The following ITFG1 variants were observed in gnomAD, a reference collection of about 807,000 sequenced individuals.
ITFG1 encodes integrin alpha FG-GAP repeat containing 1, also known as T-cell immunomodulatory protein.
In ITFG1, 34 loss-of-function variants were observed where a neutral mutation model predicts 81.8. The observed-to-expected ratio is 0.42, with a 90% CI of 0.32 to 0.55. The LOEUF is 0.55. Ranked by LOEUF, ITFG1 falls within the 20% of genes least tolerant of loss-of-function variation. The pLI, the probability that ITFG1 is intolerant of heterozygous loss-of-function variation, is 0.17. For synonymous variants in ITFG1, 285 were observed against 270.6 expected (o/e 1.05, Z -0.52); for missense variants, 672 against 755.4 (o/e 0.89, Z 1.29).
At chr16:47,232,720 C>A (rs768619175) in intron 13 of ITFG1, among the ~76,000 whole-genome samples, 8 of 151,508 alleles carry the variant, frequency 5.3e-5, no homozygotes, top group Non-Finnish European at 8.8e-5. Context: ...TGGCTCACTG[C>A]AGCCTCTACC....
chr16:47,396,524 T>TTGTGTG (rs59625674), intron 6 of ITFG1, among the ~76,000 whole-genome samples: 1 of 149,104 alleles, frequency 6.7e-6, no homozygotes, highest in Admixed American at 6.7e-5. Context: ...AATAATTATT[T>TTGTGTG]TGTGTGTGTG....
chr16:47,295,332 T>A (rs1158253684), intron 10 of ITFG1, among the ~76,000 whole-genome samples: 1 of 152,206 alleles, frequency 6.6e-6, no homozygotes, highest in Non-Finnish European at 1.5e-5. Context: ...TATAATGAGT[T>A]AGGGAAGATT....
Position 47,365,586 on chromosome 16 carries a change from C to T in ITFG1, c.802+202G>A, listed in dbSNP as rs904711491. 7 of 461,152 alleles carry T rather than the reference C, an allele frequency of 1.5e-5. No homozygotes were observed. In the South Asian group the frequency reaches 2.6e-4, roughly 17 times the overall value. 28.6% of individuals were successfully genotyped at this position (461,152 alleles called of 1,614,324 possible). ...ACAGTATCAAACTATTTTTTAAACA[C>T]ATCATAAATTTCTCCTTATTTCATT... On this transcript the variant is annotated intron_variant, in intron 8 of 17. Transcript: ENST00000320640.
intron 14 of ITFG1, among the ~76,000 whole-genome samples, chr16:47,205,862 ATC>A (rs1965491367): frequency 6.6e-6 from 1 of 150,730 alleles, no homozygotes; most frequent in Non-Finnish European, 1.5e-5. Context: ...CTATCTATCT[ATC>A]TATCTATCTA....
rs530506825 is a variant in ITFG1, at chr16:47,184,377, A to G, written c.1454-21713T>C. ...GAAAAAATGTTAAGGGCAGCCAGAG[A>G]GAAAGGTCGGGTTACCCACAAAGGG... On this transcript the variant is annotated intron_variant, in intron 14 of 17. Coordinates refer to ENST00000320640, the MANE Select transcript of ITFG1 (RefSeq NM_030790.5). Among the ~76,000 whole-genome samples, 5 of 152,330 alleles carry G rather than the reference A, an allele frequency of 3.3e-5. No individual in the cohort carries two copies. The South Asian group carries it at 1.0e-3, about 32-fold the overall frequency.
At chr16:47,325,242 T>C (rs1967516824) in intron 8 of ITFG1, among the ~76,000 whole-genome samples, 1 of 152,096 alleles carries the variant, frequency 6.6e-6, no homozygotes, top group African/African-American at 2.4e-5. Flanking sequence ...CATAACGAAA[T>C]GAAGGCAGAA....
chr16:47,350,884 T>C (rs1967942723), intron 8 of ITFG1, among the ~76,000 whole-genome samples: 1 of 152,184 alleles, frequency 6.6e-6, no homozygotes, highest in East Asian at 1.9e-4. Flanking sequence ...GTGGGCTTCA[T>C]CCCTGGGATG....
At chr16:47,185,936 C>A (rs1473483080) in intron 14 of ITFG1, among the ~76,000 whole-genome samples, 3 of 151,512 alleles carry the variant, frequency 2.0e-5, no homozygotes, top group African/African-American at 7.3e-5. Context: ...ATATCACCAC[C>A]GATCCCACAG....
intron 8 of ITFG1, among the ~76,000 whole-genome samples, chr16:47,363,403 T>C (rs1968134503): frequency 1.3e-5 from 2 of 152,170 alleles, no homozygotes; most frequent in African/African-American, 4.8e-5. Flanking sequence ...AGGTCTCACT[T>C]GTGTTGCCTA....
At chr16:47,454,189 A>G in intron 2 of ITFG1, 31 bp from the exon 3 acceptor site, 2 of 1,550,388 alleles carry the variant, frequency 1.3e-6, no homozygotes, top group African/African-American at 2.7e-5. Context: ...CAAATATCAG[A>G]CAAGTTGTAA....
rs373033566 is a variant in ITFG1 at position 47,337,601 on chromosome 16, C to A, written c.803-23778G>T. On this transcript the variant is annotated intron_variant, in intron 8 of 17. Transcript: ENST00000320640. ...TAAAAATAAAAAAAGAATCACAATG[C>A]ATGGCTTTTTAGATTTTTGGTACAT... 1.6e-4 allele frequency among the ~76,000 whole-genome samples: 25 copies of A among 152,254 alleles called. No individual in the cohort carries two copies. The East Asian group carries it at 2.7e-3, about 16-fold the overall frequency.
chr16:47,240,550 A>G (rs770328485), intron 12 of ITFG1, among the ~76,000 whole-genome samples: 22 of 152,322 alleles, frequency 1.4e-4, no homozygotes, highest in African/African-American at 3.4e-4. Context: ...GATGCGCAAC[A>G]TCATTAACCA....
At chr16:47,251,423 G>A (rs572324830) in intron 12 of ITFG1, among the ~76,000 whole-genome samples, 1 of 152,358 alleles carries the variant, frequency 6.6e-6, no homozygotes, top group African/African-American at 2.4e-5. Flanking sequence ...ATGGGCAGAA[G>A]TATATAGTGA....
At chr16:47,271,530 C>A (rs778812721) in intron 10 of ITFG1, among the ~76,000 whole-genome samples, 5 of 152,096 alleles carry the variant, frequency 3.3e-5, no homozygotes, top group Admixed American at 6.6e-5. Context: ...AAATGGCAAA[C>A]CTGCTTTGAA....
rs370145826 is a variant in ITFG1 at position 47,402,206 on chromosome 16, TAGA to T, written c.656-26269_656-26267del. 1.8e-4 allele frequency among the ~76,000 whole-genome samples: 28 copies of T among 152,304 alleles called. No individual in the cohort carries two copies. In the East Asian group the frequency reaches 3.5e-3, roughly 19 times the overall value. On this transcript the variant is annotated intron_variant, in intron 6 of 17. Coordinates refer to ENST00000320640, the MANE Select transcript of ITFG1 (RefSeq NM_030790.5). ...TTTCAAACTGAAGATGATTATCCTT[TAGA>T]AGGTCATGAAATAAATCTTATCAAC...
chr16:47,417,208 A>G (rs893434322), intron 6 of ITFG1, among the ~76,000 whole-genome samples: 1 of 152,232 alleles, frequency 6.6e-6, no homozygotes, highest in Non-Finnish European at 1.5e-5. Context: ...GGTTCTATAT[A>G]ACACAACTAC....
chr16:47,365,009 A>G (rs565992971), intron 8 of ITFG1, among the ~76,000 whole-genome samples: 3 of 152,354 alleles, frequency 2.0e-5, no homozygotes, highest in African/African-American at 7.2e-5. Context: ...TCTTGCTATA[A>G]GCCTGTCACT....
intron 15 of ITFG1, 119 bp from the exon 16 acceptor site, chr16:47,161,951 A>C (rs917038324): frequency 1.9e-5 from 13 of 676,594 alleles, no homozygotes; most frequent in Non-Finnish European, 3.3e-5. Flanking sequence ...GGTATGGATT[A>C]AGCTATGTTT....
chr16:47,185,106 C>T (rs1423819806), intron 14 of ITFG1, among the ~76,000 whole-genome samples: 1 of 151,858 alleles, frequency 6.6e-6, no homozygotes, highest in Non-Finnish European at 1.5e-5. Context: ...GCACCCAATA[C>T]AGGAGCACCC....
Sources: gnomAD v4.1 joint callset for allele counts (sites outside exome capture counted in the v4.1 genomes callset) on GRCh38, gnomAD v4.1.1 for gene constraint, MANE v1.5 for transcripts, NCBI Gene and HGNC (gene_info 2026-07-23, HGNC 2026-07-21) for gene names.